Variants in FANCD2OS observed in about 807,000 individuals in gnomAD.
FANCD2OS encodes FANCD2 opposite strand.
FANCD2OS carries 11 observed loss-of-function variants against 13.2 expected under a neutral mutation model. The observed-to-expected ratio is 0.83, with a 90% CI of 0.52 to 1.38. FANCD2OS has a LOEUF of 1.38. Ranked by LOEUF, FANCD2OS falls within the 40% of genes most tolerant of loss-of-function variation. FANCD2OS has a pLI of 0.00. For missense variants in FANCD2OS, 217 were observed against 213.9 expected, an observed-to-expected ratio of 1.01 and a Z score of -0.09; for synonymous variants, 69 against 84.5, an observed-to-expected ratio of 0.82 and a Z score of 1.01.
At chr3:10,082,822 C>T (rs1693926729) in intron 2 of FANCD2OS, among the ~76,000 whole-genome samples, 2 of 152,202 alleles carry the variant, frequency 1.3e-5, no homozygotes, top group East Asian at 3.8e-4. Context: ...CTGCTAGACT[C>T]TGAGCTCCAT....
rs371321981 is a variant in FANCD2OS at position 10,087,281 on chromosome 3, C to CTTTTT, written c.*44-5755_*44-5751dup. The CTTTTT allele has an allele frequency of 3.9e-4, 515 of 1,310,184 alleles. 2 individuals are homozygous for CTTTTT. Among genetic ancestry groups the CTTTTT allele is most frequent in the South Asian group, 8.7e-4 (62 of 71,640 alleles). 81.2% of individuals were successfully genotyped at this position (1,310,184 alleles called of 1,614,324 possible). ...AAAAAATTGGTGATGGGCCTAGATC[C>CTTTTT]TTTTTTTTTTTTTTTTTTTAATGAA... On this transcript the variant is annotated intron_variant, in intron 2 of 2. Transcript: ENST00000524279.
downstream of FANCD2OS, among the ~76,000 whole-genome samples, chr3:10,102,411 A>G (rs1456173473): frequency 6.6e-6 from 1 of 151,994 alleles, no homozygotes; most frequent in Non-Finnish European, 1.5e-5. Context: ...CCAAAGTGGT[A>G]CAATTACAGG....
At chr3:10,106,372 TCTC>T (rs1463252684) in intron 1 of FANCD2OS, among the ~76,000 whole-genome samples, 1 of 152,162 alleles carries the variant, frequency 6.6e-6, no homozygotes, top group Non-Finnish European at 1.5e-5. Flanking sequence ...TTTCCATCAT[TCTC>T]CTTCAACATT....
rs1035388686 is a variant in FANCD2OS at position 10,104,049 on chromosome 3, T to A, written c.*192A>T. The A allele has an allele frequency of 1.7e-6, 1 of 589,560 alleles. No individual in the cohort carries two copies. The highest frequency in any genetic ancestry group is 3.0e-6 in the Non-Finnish European group (1 of 338,226). 36.5% of individuals were successfully genotyped at this position (589,560 alleles called of 1,614,324 possible). The stretch of plus-strand genomic sequence containing the variant: ...TTCAACCTTACAATGGGAATGTTCT[T>A]CCTTGTTCTCTATCATTGGTCCTTT... On this transcript the variant is annotated 3_prime_UTR_variant, in exon 2 of 2. Coordinates refer to ENST00000450660, the MANE Select transcript of FANCD2OS (RefSeq NM_001164839.2).
chr3:10,096,532 A>G, intron 2 of FANCD2OS: 2 of 1,538,948 alleles, frequency 1.3e-6, no homozygotes, highest in Non-Finnish European at 1.8e-6. Context: ...ACAGCATCAG[A>G]TGGCATGTAA....
At chr3:10,084,062 C>G (rs758768787) in intron 2 of FANCD2OS, among the ~76,000 whole-genome samples, 1 of 151,530 alleles carries the variant, frequency 6.6e-6, no homozygotes. Context: ...GGCGCGATCT[C>G]GGCTCACTAT....
At position 10,108,188 on chromosome 3, in the gene FANCD2OS, G is replaced by A. The variant is rs1695555023; in HGVS notation, c.-182C>T. On this transcript the variant is annotated 5_prime_UTR_variant, in exon 1 of 2. Coordinates refer to ENST00000450660, the MANE Select transcript of FANCD2OS (RefSeq NM_001164839.2). ...CGGGGACCAGAAGGTTCTGGCTGAG[G>A]CGGACGATGCGGTGGGAACCTGGGC... 6.6e-6 allele frequency: 1 copy of A among 152,284 alleles called. No homozygotes were observed. The highest frequency in any genetic ancestry group is 2.4e-5 in the African/African-American group (1 of 41,446). The allele number at this position is 152,284 out of a possible 1,614,324, so 9.4% of individuals were successfully genotyped here. A position where few individuals can be genotyped will look rare whatever the true frequency, so the allele number is the denominator to read the frequency against.
chr3:10,096,509 C>T, intron 2 of FANCD2OS: 1 of 1,605,350 alleles, frequency 6.2e-7, no homozygotes, highest in Non-Finnish European at 8.5e-7. Flanking sequence ...ATCCCCTACT[C>T]TTATTCTTTG....
chr3:10,087,011 TAAG>T, intron 2 of FANCD2OS: 1 of 1,055,754 alleles, frequency 9.5e-7, no homozygotes, highest in Non-Finnish European at 1.5e-6. Context: ...CACCTGAAAA[TAAG>T]GAGGATTCTG....
At chr3:10,101,741 A>G (rs1440877088), downstream of FANCD2OS, 1 of 226,154 alleles carries the variant, frequency 4.4e-6, no homozygotes, top group Non-Finnish European at 8.9e-6. Context: ...ATTGTCTAAC[A>G]CCATCACAGT....
At chr3:10,081,936 C>T (rs1693863981) in intron 2 of FANCD2OS, among the ~76,000 whole-genome samples, 1 of 152,178 alleles carries the variant, frequency 6.6e-6, no homozygotes. Context: ...CCCTTAAATA[C>T]TTTTGTTCCT....
intron 2 of FANCD2OS, chr3:10,092,132 G>C (rs760997218): frequency 8.4e-7 from 1 of 1,191,556 alleles, no homozygotes; most frequent in Non-Finnish European, 1.3e-6. Context: ...TACAGTAAGG[G>C]AAGTATTTGG....
downstream of FANCD2OS, chr3:10,099,002 T>C (rs1407330440): frequency 3.1e-6 from 5 of 1,613,652 alleles, no homozygotes; most frequent in South Asian, 4.4e-5. Context: ...AACGACACAA[T>C]CTTAGAATCA....
rs1407465957 is a variant in FANCD2OS at position 10,090,383 on chromosome 3, C to A, written c.*44-8852G>T. ...GCCTGGCACAGCAGCAGACTCGCAG[C>A]AGGTGAGTAAGATAATAGTCACTTC... is the stretch of plus-strand genomic sequence containing the variant. On this transcript the variant is annotated intron_variant, in intron 2 of 2. Coordinates refer to the FANCD2OS transcript ENST00000524279. The A allele has an allele frequency of 1.9e-6, 3 of 1,597,428 alleles. No individual in the cohort carries two copies. The highest frequency in any genetic ancestry group is 3.4e-5 in the Admixed American group (2 of 59,552).
At chr3:10,094,274 G>A (rs758626050) in intron 2 of FANCD2OS, 1 of 1,609,922 alleles carries the variant, frequency 6.2e-7, no homozygotes, top group Non-Finnish European at 8.5e-7. Context: ...GTAACAGTGT[G>A]TCTCTCTTCT....
At chr3:10,093,351 T>A in intron 2 of FANCD2OS, 1 of 1,578,934 alleles carries the variant, frequency 6.3e-7, no homozygotes, top group Non-Finnish European at 8.7e-7. Context: ...CCCTGTTTCA[T>A]ATTTATTCTT....
At chr3:10,085,543 C>T (rs1012278214) in intron 2 of FANCD2OS, among the ~76,000 whole-genome samples, 1 of 152,034 alleles carries the variant, frequency 6.6e-6, no homozygotes, top group Non-Finnish European at 1.5e-5. Flanking sequence ...AGGTGCCCGC[C>T]ACCACACCCA....
At chr3:10,087,514 T>A (rs1042866179) in intron 2 of FANCD2OS, among the ~76,000 whole-genome samples, 1 of 143,018 alleles carries the variant, frequency 7.0e-6, no homozygotes, top group East Asian at 1.9e-4. Flanking sequence ...AGTTTAATCA[T>A]GTTCTTCCTT....
intron 2 of FANCD2OS, chr3:10,094,936 G>A (rs1694863024): frequency 2.0e-6 from 1 of 494,550 alleles, no homozygotes; most frequent in African/African-American, 1.9e-5. Flanking sequence ...TGTTGCAGAT[G>A]GGAAAACTGA....
Sources: allele counts gnomAD v4.1 joint callset (sites outside exome capture counted in the v4.1 genomes callset), GRCh38; gene constraint gnomAD v4.1.1; transcripts MANE v1.5; gene names NCBI Gene and HGNC (gene_info 2026-07-23, HGNC 2026-07-21).